Variants in ZFTA observed in about 807,000 individuals in gnomAD.
The protein encoded by ZFTA is zinc finger translocation-associated protein.
A neutral mutation model predicts 41.8 loss-of-function variants in ZFTA; 35 were observed. The observed-to-expected ratio is 0.84, with a 90% CI of 0.64 to 1.11. The LOEUF is 1.11. Among genes scored for constraint, ZFTA ranks in the 50% most tolerant of loss-of-function variants. ZFTA has a pLI of 0.00. For synonymous variants in ZFTA, 514 were observed against 436.4 expected (o/e 1.18, Z -2.22); for missense variants, 964 against 989.8 (o/e 0.97, Z 0.35).
rs756025147 is a variant in ZFTA, at chr11:63,760,312, G to T, written c.*3106C>A. ...GGTCTTCATTGAAAGAACTTGAGTG[G>T]TCACCTGTGATTAGCTCTTCTCCTA... On this transcript the variant is annotated 3_prime_UTR_variant, in exon 5 of 5. Coordinates refer to ENST00000433688, the MANE Select transcript of ZFTA (RefSeq NM_001144936.2). The T allele has an allele frequency of 5.9e-5, 9 of 152,262 alleles. No individual in the cohort carries two copies. Among genetic ancestry groups the T allele is most frequent in the African/African-American group, 1.4e-4 (6 of 41,552 alleles). 9.4% of individuals were successfully genotyped at this position (152,262 alleles called of 1,614,324 possible).
At position 63,768,541 on chromosome 11, in the gene ZFTA, G is replaced by A; in HGVS notation, c.82C>T (p.Arg28Ter). The change falls in exon 1 of 5, where the codon CGA (arginine) becomes TGA (stop). Residue 28 changes from arginine to a stop codon, truncating the protein, a stop_gained. Coordinates refer to ENST00000433688, the MANE Select transcript of ZFTA (RefSeq NM_001144936.2). LOFTEE classifies it high-confidence loss of function. ...CTCGATCCGGCGGGCGGCAGCCGTC[G>A]GCCCCGTGCCGAGGCCACTGCTGGC... ...PGPAVASARGRRLPPAGSSGS... is the reference protein window; with the variant it reads ...PGPAVASARG 1 of 1,147,332 alleles carries A rather than the reference G, an allele frequency of 8.7e-7. No individual in the cohort carries two copies. The allele number at this position is 1,147,332 out of a possible 1,614,324, so 71.1% of individuals were successfully genotyped here. A position where few individuals can be genotyped will look rare whatever the true frequency, so the allele number is the denominator to read the frequency against.
In ZFTA at chr11:63,763,313, C is replaced by A; in HGVS notation, c.*105G>T. On this transcript the variant is annotated 3_prime_UTR_variant, in exon 5 of 5. Coordinates refer to ENST00000433688, the MANE Select transcript of ZFTA (RefSeq NM_001144936.2). ...GCGGGGGGCGCGGCCGCGGGAAGCG[C>A]TAACACCGGACGCGAGGGTCTCCCA... 1.1e-6 allele frequency: 1 copy of A among 895,844 alleles called. No individual in the cohort carries two copies. The allele number at this position is 895,844 out of a possible 1,614,324, so 55.5% of individuals were successfully genotyped here.
chr11:63,766,334 C>A, intron 1 of ZFTA, 30 bp from the exon 2 acceptor site: 1 of 1,409,300 alleles, frequency 7.1e-7, no homozygotes, highest in Non-Finnish European at 9.2e-7. Flanking sequence ...GACAGTTTTT[C>A]AATCTCTGAT....
Position 63,764,391 on chromosome 11 carries a change from C to T in ZFTA, c.1232G>A (p.Gly411Asp). Reference sequence around the variant, plus strand: ...CTGGGGGTGGCGGCGGTGGGCGCGGCCCCGCGGCGACCGGCCCGGGACCCC... The same window carrying T: ...CTGGGGGTGGCGGCGGTGGGCGCGGTCCCGCGGCGACCGGCCCGGGACCCC... ...RAGVPGRSPR[G>D]RAHRRHPQER... Residue 411 changes from glycine (G) to aspartate (D), a missense_variant, in exon 4 of 5, where the codon GGC becomes GAC. Physicochemically the swap from Gly to Asp is moderately conservative, Grantham distance 94 (BLOSUM62 -1). Around this residue, in one of 5 missense-constraint regions of ZFTA, gnomAD observed 584 missense variants for 523.1 expected, o/e 1.12. Coordinates refer to ENST00000433688, the MANE Select transcript of ZFTA (RefSeq NM_001144936.2). 7.7e-7 allele frequency: 1 copy of T among 1,295,994 alleles called. No homozygotes were observed. The highest frequency in any genetic ancestry group is 9.7e-7 in the Non-Finnish European group (1 of 1,025,862). The allele number at this position is 1,295,994 out of a possible 1,614,324, so 80.3% of individuals were successfully genotyped here.
rs1193447468 is a variant in ZFTA at position 63,765,742 on chromosome 11, G to C, written c.637+65C>G. 2.1e-6 allele frequency: 3 copies of C among 1,428,640 alleles called. No homozygotes were observed. Among genetic ancestry groups the C allele is most frequent in the South Asian group, 3.0e-5 (2 of 66,356 alleles). The allele number at this position is 1,428,640 out of a possible 1,614,324, so 88.5% of individuals were successfully genotyped here. A position where few individuals can be genotyped will look rare whatever the true frequency, so the allele number is the denominator to read the frequency against. On this transcript the variant is annotated intron_variant, in intron 2 of 4. Coordinates refer to ENST00000433688, the MANE Select transcript of ZFTA (RefSeq NM_001144936.2). This position sits in a 1 kb window ranked among gnomAD's most constrained non-coding sequence, Gnocchi z 4.0. The stretch of plus-strand genomic sequence containing the variant: ...AGAACACCAGCTCCTTGGCAGAGCA[G>C]CTGGCCCACTGTGCCCCACTGGCCA...
chr11:63,763,827 G>A lies in ZFTA; in HGVS notation c.1628C>T (p.Ala543Val), dbSNP rs2014694953. 6.9e-7 allele frequency: 1 copy of A among 1,444,808 alleles called. No homozygotes were observed. The highest frequency in any genetic ancestry group is 9.1e-7 in the Non-Finnish European group (1 of 1,101,508). 89.5% of individuals were successfully genotyped at this position (1,444,808 alleles called of 1,614,324 possible). Reference protein sequence around the residue: ...LSPGAPLERPAEEEEDEEDGQ... With the variant: ...LSPGAPLERPVEEEEDEEDGQ... ...GTCCTCTTCGTCCTCCTCTTCTTCG[G>A]CGGGCCGCTCCAAGGGAGCTCCAGG... The change falls in exon 5 of 5, where the codon GCC (alanine) becomes GTC (valine). Residue 543 changes from alanine (A) to valine (V), a missense_variant. Transcript: ENST00000433688.
rs2014635024 is a variant in ZFTA at position 63,761,458 on chromosome 11, G to A, written c.*1960C>T. Reference sequence around the variant, plus strand: ...GTGCAGGGCTTTGCCACCTTCAGGAGTCACAGATCCACCGTGGTGGCCTGC... The same window carrying A: ...GTGCAGGGCTTTGCCACCTTCAGGAATCACAGATCCACCGTGGTGGCCTGC... On this transcript the variant is annotated 3_prime_UTR_variant, in exon 5 of 5. Coordinates refer to ENST00000433688, the MANE Select transcript of ZFTA (RefSeq NM_001144936.2). 6.6e-6 allele frequency: 1 copy of A among 152,226 alleles called. No homozygotes were observed. Among genetic ancestry groups the A allele is most frequent in the South Asian group, 2.1e-4 (1 of 4,832 alleles). 9.4% of individuals were successfully genotyped at this position (152,226 alleles called of 1,614,324 possible).
At chr11:63,767,123 G>T (rs1360685029) in intron 1 of ZFTA, among the ~76,000 whole-genome samples, 1 of 152,304 alleles carries the variant, frequency 6.6e-6, no homozygotes, top group East Asian at 1.9e-4. Flanking sequence ...CAGTCAGAAG[G>T]GCGGGCACTG....
Position 63,768,554 on chromosome 11 carries a change from G to GGCCACTGCTGGCCCGGGGCC in ZFTA, c.49_68dup (p.Ser24AlafsTer98). The GGCCACTGCTGGCCCGGGGCC allele has an allele frequency of 9.1e-7, 1 of 1,102,030 alleles. No individual in the cohort carries two copies. The highest frequency in any genetic ancestry group is 1.1e-6 in the Non-Finnish European group (1 of 907,204). 68.3% of individuals were successfully genotyped at this position (1,102,030 alleles called of 1,614,324 possible). A position where few individuals can be genotyped will look rare whatever the true frequency, so the allele number is the denominator to read the frequency against. On this transcript the variant is annotated frameshift_variant, in exon 1 of 5. Coordinates refer to ENST00000433688, the MANE Select transcript of ZFTA (RefSeq NM_001144936.2). LOFTEE classifies it high-confidence loss of function. Reference sequence around the variant, plus strand: ...GCGGCAGCCGTCGGCCCCGTGCCGAGGCCACTGCTGGCCCGGGGCCGCCCC... The same window carrying GGCCACTGCTGGCCCGGGGCC: ...GCGGCAGCCGTCGGCCCCGTGCCGAGGCCACTGCTGGCCCGGGGCCGCCACTGCTGGCCCGGGGCCGCCCC...
Position 63,761,993 on chromosome 11 carries a change from C to G in ZFTA, c.*1425G>C, listed in dbSNP as rs1396362900. ...CACGCTGCCCAGGCATCTCTTCCTC[C>G]AGACCCAACCCTCAAGTTCCACCCA... On this transcript the variant is annotated 3_prime_UTR_variant, in exon 5 of 5. Transcript: ENST00000433688. 1 of 152,416 alleles carries G rather than the reference C, an allele frequency of 6.6e-6. No individual in the cohort carries two copies. The highest frequency in any genetic ancestry group is 2.4e-5 in the African/African-American group (1 of 41,456). The allele number at this position is 152,416 out of a possible 1,614,324, so 9.4% of individuals were successfully genotyped here. A position where few individuals can be genotyped will look rare whatever the true frequency, so the allele number is the denominator to read the frequency against.
In ZFTA at chr11:63,763,329, G is replaced by A. The variant is rs956308052; in HGVS notation, c.*89C>T. The stretch of plus-strand genomic sequence containing the variant: ...CGGGAAGCGCTAACACCGGACGCGA[G>A]GGTCTCCCAGCCGAAGGGCCGGGCG... On this transcript the variant is annotated 3_prime_UTR_variant, in exon 5 of 5. Coordinates refer to ENST00000433688, the MANE Select transcript of ZFTA (RefSeq NM_001144936.2). The A allele has an allele frequency of 9.3e-5, 94 of 1,008,704 alleles. No homozygotes were observed. The African/African-American group carries it at 1.4e-3, about 15-fold the overall frequency. The allele number at this position is 1,008,704 out of a possible 1,614,324, so 62.5% of individuals were successfully genotyped here.
chr11:63,765,786 C>A lies in ZFTA; in HGVS notation c.637+21G>T. 4.8e-6 allele frequency: 7 copies of A among 1,453,360 alleles called. No homozygotes were observed. The highest frequency in any genetic ancestry group is 6.3e-6 in the Non-Finnish European group (7 of 1,104,362). The allele number at this position is 1,453,360 out of a possible 1,614,324, so 90.0% of individuals were successfully genotyped here. A position where few individuals can be genotyped will look rare whatever the true frequency, so the allele number is the denominator to read the frequency against. Reference sequence around the variant, plus strand: ...CTGGCCACCCAGGCCCCTGCCTGTACAGAATCTGCATTTGCATTACCTGGG... The same window carrying A: ...CTGGCCACCCAGGCCCCTGCCTGTAAAGAATCTGCATTTGCATTACCTGGG... On this transcript the variant is annotated intron_variant, in intron 2 of 4. Coordinates refer to ENST00000433688, the MANE Select transcript of ZFTA (RefSeq NM_001144936.2). This position sits in a 1 kb window ranked among gnomAD's most constrained non-coding sequence, Gnocchi z 4.0.
rs1346102182 is a variant in ZFTA, at chr11:63,764,252, G to A, written c.1371C>T (p.His457=). The A allele has an allele frequency of 1.3e-5, 19 of 1,460,882 alleles. No homozygotes were observed. The highest frequency in any genetic ancestry group is 1.7e-5 in the Non-Finnish European group (19 of 1,114,542). 90.5% of individuals were successfully genotyped at this position (1,460,882 alleles called of 1,614,324 possible). A position where few individuals can be genotyped will look rare whatever the true frequency, so the allele number is the denominator to read the frequency against. ...TGGAGCCCGGGTGGCGCCGGCGGAT[G>A]TGGCGCTCGATGGTGCTCATCTTGA... ...ASLKMSTIER[H]IRRRHPGSTR... is the part of the protein sequence containing the mutation. Residue 457 remains histidine (H), a synonymous_variant, in exon 4 of 5, where the codon CAC becomes CAT. Transcript: ENST00000433688.
chr11:63,765,178 G>A lies in ZFTA; in HGVS notation c.714C>T (p.Arg238=), dbSNP rs1385120519. The change falls in exon 3 of 5, where the codon CGC becomes CGT. Residue 238 remains arginine (R), a synonymous_variant. Transcript: ENST00000433688. This position sits in a 1 kb window ranked among gnomAD's most constrained non-coding sequence, Gnocchi z 4.0. ...CCCCGGCCCTCCGGGAGGCTGAGAG[G>A]CGCAGACGCCGAGCCCGGGGTGCCA... is the stretch of plus-strand genomic sequence containing the variant. ...GPVAPRARRL[R]LSASRRAGGS... 6 of 1,532,398 alleles carry A rather than the reference G, an allele frequency of 3.9e-6. No homozygotes were observed. Among genetic ancestry groups the A allele is most frequent in the Non-Finnish European group, 5.3e-6 (6 of 1,140,884 alleles). The allele number at this position is 1,532,398 out of a possible 1,614,324, so 94.9% of individuals were successfully genotyped here.
rs940497262 is a variant in ZFTA, at chr11:63,761,063, T to A, written c.*2355A>T. 2.0e-5 allele frequency: 3 copies of A among 152,014 alleles called. No individual in the cohort carries two copies. Among genetic ancestry groups the A allele is most frequent in the African/African-American group, 7.3e-5 (3 of 41,376 alleles). 9.4% of individuals were successfully genotyped at this position (152,014 alleles called of 1,614,324 possible). ...CCCCAATTTGCCTACTGTTTTTGAA[T>A]GGGCAGAGTAAAAAAAGTGGTGTTA... is the stretch of plus-strand genomic sequence containing the variant. On this transcript the variant is annotated 3_prime_UTR_variant, in exon 5 of 5. Transcript: ENST00000433688.
At position 63,766,322 on chromosome 11, in the gene ZFTA, G is replaced by C; in HGVS notation, c.140-18C>G. Reference sequence around the variant, plus strand: ...ATCTTGCCCTGAAGAAGGGGAAAGGGAGACAGTTTTTCAATCTCTGATTTC... The same window carrying C: ...ATCTTGCCCTGAAGAAGGGGAAAGGCAGACAGTTTTTCAATCTCTGATTTC... On this transcript the variant is annotated intron_variant, in intron 1 of 4. Transcript: ENST00000433688. The C allele has an allele frequency of 9.2e-6, 13 of 1,416,156 alleles. No individual in the cohort carries two copies. Among genetic ancestry groups the C allele is most frequent in the Non-Finnish European group, 1.1e-5 (12 of 1,089,842 alleles). 87.7% of individuals were successfully genotyped at this position (1,416,156 alleles called of 1,614,324 possible). A position where few individuals can be genotyped will look rare whatever the true frequency, so the allele number is the denominator to read the frequency against.
chr11:63,768,445 GCCGGGGC>G (rs2014782822), intron 1 of ZFTA, 32 bp downstream of exon 1: 1 of 1,086,948 alleles, frequency 9.2e-7, no homozygotes, highest in African/African-American at 1.7e-5. Flanking sequence ...CTTCCCCCAC[GCCGGGGC>G]CCCCGCCCGG....
chr11:63,766,481 T>C (rs2014747999), intron 1 of ZFTA, among the ~76,000 whole-genome samples, 177 bp from the exon 2 acceptor site: 1 of 149,330 alleles, frequency 6.7e-6, no homozygotes, highest in South Asian at 2.2e-4. Flanking sequence ...ATTAGCCCTT[T>C]ACAAAGGGCA....
Position 63,764,056 on chromosome 11 carries a change from CCT to C in ZFTA, c.1565_1566del (p.Glu522GlyfsTer112). ...CGCTCACCCCACTCCTCCTCCTCCT[CCT>C]CTGGCTCCTCCTCCTCGTCCCCTCC... is the stretch of plus-strand genomic sequence containing the variant. ...EGGGDEEEEP[E>X]EEEEEWGDVP... is the part of the protein sequence containing the mutation. On this transcript the variant is annotated frameshift_variant, in exon 4 of 5. Transcript: ENST00000433688. LOFTEE classifies it low-confidence loss of function (END_TRUNC). 1 of 1,343,802 alleles carries C rather than the reference CCT, an allele frequency of 7.4e-7. No homozygotes were observed. Among genetic ancestry groups the C allele is most frequent in the Non-Finnish European group, 9.5e-7 (1 of 1,051,026 alleles). 83.2% of individuals were successfully genotyped at this position (1,343,802 alleles called of 1,614,324 possible).
Sources: allele counts gnomAD v4.1 joint callset (sites outside exome capture counted in the v4.1 genomes callset), GRCh38; gene constraint gnomAD v4.1.1; regional missense constraint gnomAD v4.1.1; non-coding constraint Gnocchi (gnomAD v3.1); transcripts MANE v1.5; gene names NCBI Gene and HGNC (gene_info 2026-07-23, HGNC 2026-07-21).